SGCD: variants seen among roughly 807,000 people sequenced by gnomAD.
SGCD encodes delta-sarcoglycan.
In SGCD, 18 loss-of-function variants were observed where a neutral mutation model predicts 36.6. The ratio of observed to expected loss-of-function variants is 0.49; its 90% confidence interval spans 0.34 to 0.73. The LOEUF (loss-of-function observed/expected upper bound fraction) is 0.73. Ranked by LOEUF, SGCD falls within the 30% of genes least tolerant of loss-of-function variation. The probability of loss-of-function intolerance (pLI) is 0.01; values close to 1 mark genes in which losing one functional copy is unlikely to be tolerated. For synonymous variants in SGCD, 133 were observed against 130.6 expected, an observed-to-expected ratio of 1.02 and a Z score of -0.12; for missense variants, 387 against 346.7, an observed-to-expected ratio of 1.12 and a Z score of -0.92.
At chr5:156,733,250 T>C (rs2113019893) in intron 7 of SGCD, among the ~76,000 whole-genome samples, 1 of 152,332 alleles carries the variant, frequency 6.6e-6, no homozygotes, top group East Asian at 1.9e-4. Context: ...TTCTGATACA[T>C]TGTTCTTAAT....
intron 1 of SGCD, among the ~76,000 whole-genome samples, chr5:156,053,828 C>T (rs1581065745): frequency 6.8e-6 from 1 of 146,356 alleles, no homozygotes; most frequent in Non-Finnish European, 1.5e-5. Context: ...AGTTCAAAAT[C>T]AAGATGCTGG....
At chr5:155,910,807 A>C (rs1349504326) in intron 1 of SGCD, among the ~76,000 whole-genome samples, 1 of 152,148 alleles carries the variant, frequency 6.6e-6, no homozygotes, top group Non-Finnish European at 1.5e-5. Flanking sequence ...TGCATTGTCA[A>C]AGTGGAAGAT....
intron 1 of SGCD, among the ~76,000 whole-genome samples, chr5:155,881,396 A>G (rs1755882517): frequency 6.6e-6 from 1 of 151,834 alleles, no homozygotes; most frequent in South Asian, 2.1e-4. Context: ...TGTTTACACT[A>G]TACTGTAGTC....
chr5:155,746,354 C>G, the SGCD span, among the ~76,000 whole-genome samples: 1 of 151,960 alleles, frequency 6.6e-6, no homozygotes, highest in East Asian at 1.9e-4. Context: ...AGTCCAGCCA[C>G]TGTACTCCAG....
chr5:155,729,561 C>T, the SGCD span, among the ~76,000 whole-genome samples: 1 of 152,194 alleles, frequency 6.6e-6, no homozygotes, highest in African/African-American at 2.4e-5. Flanking sequence ...TCTTGATCCG[C>T]GGTGCGGTGC....
chr5:156,117,973 T>G (rs566373364), intron 2 of SGCD: 1 of 152,182 alleles, frequency 6.6e-6, no homozygotes, highest in African/African-American at 2.4e-5. Flanking sequence ...CTATTTTCGC[T>G]GATATCAGTT....
intron 4 of SGCD, among the ~76,000 whole-genome samples, chr5:156,540,262 C>A (rs1243732964): frequency 6.6e-6 from 1 of 152,086 alleles, no homozygotes; most frequent in Non-Finnish European, 1.5e-5. Flanking sequence ...GTTCCTAGCT[C>A]CCCTACGTAC....
At chr5:155,874,365 G>A (rs187019257) in intron 1 of SGCD, among the ~76,000 whole-genome samples, 2 of 152,188 alleles carry the variant, frequency 1.3e-5, no homozygotes. Flanking sequence ...AAATATCTTA[G>A]TAATTTTGAC....
intron 1 of SGCD, among the ~76,000 whole-genome samples, chr5:156,035,763 G>A (rs764019135): frequency 2.6e-5 from 4 of 152,090 alleles, no homozygotes; most frequent in Non-Finnish European, 5.9e-5. Flanking sequence ...TCCATTAGAC[G>A]TGTTTCTGTG....
chr5:156,266,648 A>T (rs1766006113), intron 3 of SGCD, among the ~76,000 whole-genome samples: 1 of 151,888 alleles, frequency 6.6e-6, no homozygotes, highest in South Asian at 2.1e-4. Flanking sequence ...AGAACCAGCT[A>T]TTGTTTAAAT....
intron 3 of SGCD, among the ~76,000 whole-genome samples, chr5:156,370,592 T>C (rs1308561137): frequency 6.6e-6 from 1 of 152,210 alleles, no homozygotes; most frequent in African/African-American, 2.4e-5. Context: ...TTTATGATGA[T>C]ATTATGGTGT....
chr5:156,302,379 C>T (rs1767077285), intron 3 of SGCD, among the ~76,000 whole-genome samples: 1 of 151,986 alleles, frequency 6.6e-6, no homozygotes, highest in Admixed American at 6.6e-5. Context: ...ATTTTAATCT[C>T]TCTCTTACAT....
At chr5:156,139,212 A>G (rs80118583) in intron 3 of SGCD, among the ~76,000 whole-genome samples, 3,076 of 152,226 alleles carry the variant, frequency 0.02, 44 homozygotes, top group Non-Finnish European at 0.035. Flanking sequence ...TTTTTATTTT[A>G]TAATTTCTGC....
At chr5:156,444,145 T>TC in intron 3 of SGCD, among the ~76,000 whole-genome samples, 1 of 109,830 alleles carries the variant, frequency 9.1e-6, no homozygotes, top group African/African-American at 3.0e-5. Flanking sequence ...TCTCCTTCCC[T>TC]TTCTCTCTCT....
At chr5:155,920,406 G>T (rs967244683) in intron 1 of SGCD, among the ~76,000 whole-genome samples, 1 of 152,158 alleles carries the variant, frequency 6.6e-6, no homozygotes, top group African/African-American at 2.4e-5. Context: ...GAGGAGAAGG[G>T]AGTTTATAGG....
chr5:156,068,262 T>G (rs1760400816), intron 1 of SGCD, among the ~76,000 whole-genome samples: 1 of 151,814 alleles, frequency 6.6e-6, no homozygotes, highest in African/African-American at 2.4e-5. Flanking sequence ...CCTAAAGCTA[T>G]CCCTCCCCCC....
rs1187205947 is a variant in SGCD, at chr5:156,225,442, A to G, written c.-44+101423A>G. ...TGTTTTTATTATTATTAGAATTACA[A>G]TAATTTATCCCAGTCAGACATTGAG... On this transcript the variant is annotated intron_variant, in intron 3 of 9. Coordinates refer to the SGCD transcript ENST00000517913. Among the ~76,000 whole-genome samples the G allele has an allele frequency of 5.9e-5, 9 of 152,150 alleles. No homozygotes were observed. The South Asian group carries it at 1.7e-3, about 28-fold the overall frequency.
chr5:156,629,012 T>G (rs1762532370), intron 6 of SGCD, among the ~76,000 whole-genome samples: 1 of 152,206 alleles, frequency 6.6e-6, no homozygotes, highest in Non-Finnish European at 1.5e-5. Flanking sequence ...TATATTAAGT[T>G]CTCGATAAGT....
At chr5:156,226,379 T>C (rs1764859479) in intron 3 of SGCD, among the ~76,000 whole-genome samples, 1 of 152,166 alleles carries the variant, frequency 6.6e-6, no homozygotes, top group South Asian at 2.1e-4. Context: ...CTCATCCAGG[T>C]CACTGCGACT....
Sources: gnomAD v4.1 joint callset for allele counts (sites outside exome capture counted in the v4.1 genomes callset) on GRCh38, gnomAD v4.1.1 for gene constraint, MANE v1.5 for transcripts, NCBI Gene and HGNC (gene_info 2026-07-23, HGNC 2026-07-21) for gene names.